The following RAD54B variants were observed in gnomAD, a reference collection of about 807,000 sequenced individuals.
RAD54B encodes DNA repair and recombination protein RAD54B.
A neutral mutation model predicts 95.8 loss-of-function variants in RAD54B; 78 were observed. The observed-to-expected ratio is 0.81, with a 90% CI of 0.68 to 0.98. RAD54B has a LOEUF of 0.98. RAD54B is among the 50% of genes least tolerant of loss of function. The probability of loss-of-function intolerance (pLI) is 0.00; values close to 1 mark genes in which losing one functional copy is unlikely to be tolerated. For missense variants in RAD54B, 957 were observed against 1,056.6 expected, an observed-to-expected ratio of 0.91 and a Z score of 1.31; for synonymous variants, 328 against 354.9, an observed-to-expected ratio of 0.92 and a Z score of 0.85.
At chr8:94,415,566 C>G (rs1288439122) in intron 3 of RAD54B, among the ~76,000 whole-genome samples, 22 of 129,758 alleles carry the variant, frequency 1.7e-4, no homozygotes, top group African/African-American at 2.7e-4. Flanking sequence ...AAACTACCAT[C>G]AGAGTGAACA....
chr8:94,472,425 A>G (rs1427467086), intron 1 of RAD54B, among the ~76,000 whole-genome samples: 1 of 152,252 alleles, frequency 6.6e-6, no homozygotes, highest in Non-Finnish European at 1.5e-5. Context: ...CAAATGAAAT[A>G]GAACAATAGA....
intron 8 of RAD54B, 43 bp downstream of exon 8, chr8:94,399,371 T>C (rs761775809): frequency 1.3e-6 from 2 of 1,506,926 alleles, no homozygotes; most frequent in Admixed American, 1.7e-5. Context: ...GTATGTTCAC[T>C]AGGCAAAAAT....
At chr8:94,416,832 C>G (rs1331416725) in intron 3 of RAD54B, among the ~76,000 whole-genome samples, 1 of 152,056 alleles carries the variant, frequency 6.6e-6, no homozygotes. Context: ...GACAGTTGCT[C>G]AAACAATTAA....
intron 3 of RAD54B, chr8:94,427,656 T>A (rs1811975820): frequency 3.2e-6 from 3 of 943,932 alleles, no homozygotes; most frequent in Non-Finnish European, 3.8e-6. Flanking sequence ...TCAAAAAATT[T>A]TACCTCTACA....
rs190153551 is a variant in RAD54B, at chr8:94,412,786, G to A, written c.305-1471C>T. Among the ~76,000 whole-genome samples the A allele has an allele frequency of 5.7e-4, 87 of 151,990 alleles. No homozygotes were observed. The East Asian group carries it at 8.1e-3, about 14-fold the overall frequency. The stretch of plus-strand genomic sequence containing the variant: ...AGATCAGAAAGGAAGAAATAAAACC[G>A]GAGCATTTACAGATAATGTAACTAT... On this transcript the variant is annotated intron_variant, in intron 3 of 14. Transcript: ENST00000336148.
At chr8:94,414,243 T>G (rs1811599357) in intron 3 of RAD54B, among the ~76,000 whole-genome samples, 1 of 152,204 alleles carries the variant, frequency 6.6e-6, no homozygotes. Flanking sequence ...CAGTGAGGTT[T>G]TCTAGATATA....
At chr8:94,377,068 T>C (rs1161704035) in intron 14 of RAD54B, among the ~76,000 whole-genome samples, 1 of 152,258 alleles carries the variant, frequency 6.6e-6, no homozygotes, top group East Asian at 1.9e-4. Flanking sequence ...GGGTAAATTT[T>C]CAGCTTTACT....
intron 3 of RAD54B, among the ~76,000 whole-genome samples, chr8:94,433,565 C>T (rs903554144): frequency 1.3e-5 from 2 of 152,008 alleles, no homozygotes; most frequent in African/African-American, 4.8e-5. Context: ...GAGACAACTA[C>T]AGCTTTAGCA....
chr8:94,423,663 C>T (rs1007271780), intron 3 of RAD54B, among the ~76,000 whole-genome samples: 2 of 152,094 alleles, frequency 1.3e-5, no homozygotes, highest in African/African-American at 2.4e-5. Flanking sequence ...GGGTTATTTT[C>T]GTTGTTTTAC....
chr8:94,459,705 C>T (rs552877351), intron 2 of RAD54B, among the ~76,000 whole-genome samples: 1 of 150,092 alleles, frequency 6.7e-6, no homozygotes, highest in South Asian at 2.1e-4. Context: ...ACTGAAAAAA[C>T]AAAAATTAGC....
At chr8:94,429,185 A>C (rs748095269) in intron 3 of RAD54B, 26 of 840,812 alleles carry the variant, frequency 3.1e-5, no homozygotes, top group Non-Finnish European at 3.7e-5. Flanking sequence ...ACAGCCCCTA[A>C]ATGCTAATGA....
chr8:94,413,810 T>C (rs1811585199), intron 3 of RAD54B, among the ~76,000 whole-genome samples: 1 of 150,392 alleles, frequency 6.6e-6, no homozygotes, highest in Non-Finnish European at 1.5e-5. Flanking sequence ...AAAGGTCTTG[T>C]ATCCAGAATA....
intron 2 of RAD54B, among the ~76,000 whole-genome samples, chr8:94,466,641 A>G (rs949682377): frequency 6.6e-6 from 1 of 152,122 alleles, no homozygotes; most frequent in African/African-American, 2.4e-5. Context: ...TCCTGACCCC[A>G]GGTGATCTGC....
At chr8:94,417,252 G>A (rs1811695666) in intron 3 of RAD54B, among the ~76,000 whole-genome samples, 1 of 152,114 alleles carries the variant, frequency 6.6e-6, no homozygotes, top group South Asian at 2.1e-4. Context: ...GGGTTAGGAA[G>A]CAGGGTGGTG....
chr8:94,401,758 A>G (rs1811271655), intron 6 of RAD54B, among the ~76,000 whole-genome samples: 1 of 152,232 alleles, frequency 6.6e-6, no homozygotes, highest in African/African-American at 2.4e-5. Context: ...AATTACCAAC[A>G]TAAATTACGG....
rs80231396 is a variant in RAD54B, at chr8:94,424,149, C to T, written c.305-12834G>A. On this transcript the variant is annotated intron_variant, in intron 3 of 14. Coordinates refer to ENST00000336148, the MANE Select transcript of RAD54B (RefSeq NM_012415.3). ...ATTACTTATAAGTAACTTTGAAATA[C>T]CATAAGATTCTCGGATATACACTTT... 7.8e-3 allele frequency among the ~76,000 whole-genome samples: 1,188 copies of T among 152,202 alleles called. 15 individuals carry two copies. Among genetic ancestry groups the T allele is most frequent in the East Asian group, 0.026 (135 of 5,186 alleles).
intron 4 of RAD54B, among the ~76,000 whole-genome samples, chr8:94,408,906 G>C (rs1373477520): frequency 6.6e-6 from 1 of 151,974 alleles, no homozygotes; most frequent in Non-Finnish European, 1.5e-5. Flanking sequence ...ATTTCATTTA[G>C]ATCCATAGAT....
chr8:94,458,741 C>T (rs1248891432), intron 2 of RAD54B, among the ~76,000 whole-genome samples: 1 of 152,046 alleles, frequency 6.6e-6, no homozygotes, highest in East Asian at 1.9e-4. Context: ...GTAGCAAGTG[C>T]CTGTTATCCC....
intron 3 of RAD54B, chr8:94,430,604 T>C (rs1812067471): frequency 1.7e-6 from 1 of 604,142 alleles, no homozygotes; most frequent in African/African-American, 2.0e-5. Flanking sequence ...CTGATGCTGC[T>C]GGTCAGGACC....
Sources: allele counts gnomAD v4.1 joint callset (sites outside exome capture counted in the v4.1 genomes callset), GRCh38; gene constraint gnomAD v4.1.1; transcripts MANE v1.5; gene names NCBI Gene and HGNC (gene_info 2026-07-23, HGNC 2026-07-21).